Variants in CHSY3 observed in about 807,000 individuals in gnomAD.
The protein encoded by CHSY3 is chondroitin sulfate synthase 3.
A neutral mutation model predicts 67.2 loss-of-function variants in CHSY3; 35 were observed. The observed-to-expected ratio is 0.52, with a 90% CI of 0.40 to 0.69. The LOEUF is 0.69. Ranked by LOEUF, CHSY3 falls within the 30% of genes least tolerant of loss-of-function variation. The pLI, the probability that CHSY3 is intolerant of heterozygous loss-of-function variation, is 0.00. For synonymous variants in CHSY3, 474 were observed against 434.7 expected (o/e 1.09, Z -1.12); for missense variants, 1,069 against 1,138.5 (o/e 0.94, Z 0.88).
chr5:130,058,977 C>G (rs1765623844), intron 2 of CHSY3, among the ~76,000 whole-genome samples: 1 of 152,146 alleles, frequency 6.6e-6, no homozygotes, highest in Non-Finnish European at 1.5e-5. Flanking sequence ...AATTTAGGGA[C>G]TATGAAGGTT....
At chr5:129,952,888 G>T (rs1762063254) in intron 2 of CHSY3, among the ~76,000 whole-genome samples, 1 of 152,108 alleles carries the variant, frequency 6.6e-6, no homozygotes, top group African/African-American at 2.4e-5. Context: ...GAATATTATT[G>T]TCCCCATTTT....
At chr5:130,007,749 A>G (rs953222843) in intron 2 of CHSY3, among the ~76,000 whole-genome samples, 2 of 152,070 alleles carry the variant, frequency 1.3e-5, no homozygotes, top group South Asian at 2.1e-4. Context: ...AGACTCGCCA[A>G]ATTCCTCTGG....
chr5:129,980,778 G>A (rs1226127203), intron 2 of CHSY3, among the ~76,000 whole-genome samples: 2 of 152,092 alleles, frequency 1.3e-5, no homozygotes, highest in Non-Finnish European at 2.9e-5. Flanking sequence ...TAGGATTCAC[G>A]TTGAGTTAAC....
intron 2 of CHSY3, among the ~76,000 whole-genome samples, chr5:129,911,174 A>G (rs527901221): frequency 2.4e-4 from 37 of 151,850 alleles, no homozygotes; most frequent in African/African-American, 8.9e-4. Flanking sequence ...AATAAAATAT[A>G]TAATTGTATA....
chr5:130,136,852 C>T (rs1359232743), intron 2 of CHSY3, among the ~76,000 whole-genome samples: 3 of 152,036 alleles, frequency 2.0e-5, no homozygotes, highest in African/African-American at 7.2e-5. Context: ...GAATTCACCA[C>T]CCAACCCAAG....
At chr5:130,182,128 T>C (rs1262707486) in intron 2 of CHSY3, among the ~76,000 whole-genome samples, 2 of 152,148 alleles carry the variant, frequency 1.3e-5, no homozygotes, top group East Asian at 3.8e-4. Context: ...TCACTAGCAG[T>C]GTATGAGAGT....
chr5:130,086,756 A>G (rs1766646794), intron 2 of CHSY3, among the ~76,000 whole-genome samples: 1 of 152,150 alleles, frequency 6.6e-6, no homozygotes, highest in African/African-American at 2.4e-5. Flanking sequence ...GTCCAGGACC[A>G]CATGGATTCA....
At position 129,989,212 on chromosome 5, in the gene CHSY3, A is replaced by G. The variant is rs144380489; in HGVS notation, c.1086+80852A>G. ...CAGCCTTCTAACAGGGTCATCCCATAGAGGAAAGGCAAAAAGGATGAGAGA... is the reference window on the plus strand; with the variant it reads ...CAGCCTTCTAACAGGGTCATCCCATGGAGGAAAGGCAAAAAGGATGAGAGA... On this transcript the variant is annotated intron_variant, in intron 2 of 2. Coordinates refer to ENST00000305031, the MANE Select transcript of CHSY3 (RefSeq NM_175856.5). 5.6e-3 allele frequency among the ~76,000 whole-genome samples: 844 copies of G among 151,836 alleles called. 7 individuals are homozygous for G. Among genetic ancestry groups the G allele is most frequent in the South Asian group, 0.036 (173 of 4,804 alleles).
Position 129,983,597 on chromosome 5 carries a change from T to C in CHSY3, c.1086+75237T>C, listed in dbSNP as rs576263485. Among the ~76,000 whole-genome samples the C allele has an allele frequency of 2.3e-4, 35 of 152,136 alleles. No individual in the cohort carries two copies. The South Asian group carries it at 4.2e-3, about 18-fold the overall frequency. On this transcript the variant is annotated intron_variant, in intron 2 of 2. Coordinates refer to ENST00000305031, the MANE Select transcript of CHSY3 (RefSeq NM_175856.5). ...TGATATGGGCCATGAATGATTTAGT[T>C]TAACACATATTTATGGAGCACCAAC...
intron 2 of CHSY3, among the ~76,000 whole-genome samples, chr5:130,099,635 T>C (rs1767163327): frequency 6.6e-6 from 1 of 152,354 alleles, no homozygotes; most frequent in Non-Finnish European, 1.5e-5. Context: ...ATTTCATCTT[T>C]TCATTTATTT....
intron 2 of CHSY3, among the ~76,000 whole-genome samples, chr5:130,016,529 A>AG (rs5871375): frequency 0.51 from 78,295 of 152,058 alleles, 20,843 homozygotes; most frequent in East Asian, 0.61. Context: ...CTACTGCCTC[A>AG]GCCTCCCAAG....
At chr5:130,070,208 C>T (rs1380416946) in intron 2 of CHSY3, among the ~76,000 whole-genome samples, 3 of 152,026 alleles carry the variant, frequency 2.0e-5, no homozygotes, top group Non-Finnish European at 2.9e-5. Flanking sequence ...TATGAAAATA[C>T]TTCTCTTCAT....
chr5:130,037,702 TTC>T (rs1764898626), intron 2 of CHSY3, among the ~76,000 whole-genome samples: 1 of 152,094 alleles, frequency 6.6e-6, no homozygotes, highest in African/African-American at 2.4e-5. Flanking sequence ...GTAATTTATT[TTC>T]TTTTATTATT....
At position 130,107,914 on chromosome 5, in the gene CHSY3, C is replaced by T. The variant is rs1338464036; in HGVS notation, c.1087-76315C>T. 2.6e-5 allele frequency among the ~76,000 whole-genome samples: 4 copies of T among 151,648 alleles called. No homozygotes were observed. In the East Asian group the frequency reaches 7.7e-4, roughly 29 times the overall value. On this transcript the variant is annotated intron_variant, in intron 2 of 2. Transcript: ENST00000305031. ...CAGAATAGCTAAGGGGTTATATTTG[C>T]TTCAGTGTCTAACACTCTTTTTCAT...
At chr5:130,055,692 AGC>A (rs1765508520) in intron 2 of CHSY3, among the ~76,000 whole-genome samples, 1 of 152,076 alleles carries the variant, frequency 6.6e-6, no homozygotes, top group African/African-American at 2.4e-5. Context: ...GGAGAACAAC[AGC>A]AGCAGCAGCT....
intron 2 of CHSY3, among the ~76,000 whole-genome samples, chr5:129,951,746 A>T (rs1264746880): frequency 6.6e-6 from 1 of 152,206 alleles, no homozygotes; most frequent in East Asian, 1.9e-4. Flanking sequence ...TTGGCCATCT[A>T]TGTAGATACT....
intron 2 of CHSY3, among the ~76,000 whole-genome samples, chr5:130,042,258 C>G (rs955544213): frequency 1.3e-5 from 2 of 151,996 alleles, no homozygotes; most frequent in African/African-American, 2.4e-5. Flanking sequence ...TAAATCTCCT[C>G]TGTTACAGGA....
chr5:130,000,164 T>C (rs760479379), intron 2 of CHSY3, among the ~76,000 whole-genome samples: 10 of 152,220 alleles, frequency 6.6e-5, no homozygotes, highest in Non-Finnish European at 1.3e-4. Context: ...ATAACATATG[T>C]TTTATTTTCT....
At chr5:129,904,002 G>A (rs1210105541), upstream of CHSY3, among the ~76,000 whole-genome samples, 1 of 152,194 alleles carries the variant, frequency 6.6e-6, no homozygotes, top group Non-Finnish European at 1.5e-5. Context: ...TGTGGGCCGG[G>A]GGAGGAGAGC....
Sources: gnomAD v4.1 joint callset for allele counts (sites outside exome capture counted in the v4.1 genomes callset) on GRCh38, gnomAD v4.1.1 for gene constraint, MANE v1.5 for transcripts, NCBI Gene and HGNC (gene_info 2026-07-23, HGNC 2026-07-21) for gene names.